PCTP: variants seen among roughly 807,000 people sequenced by gnomAD.
PCTP encodes the protein phosphatidylcholine transfer protein, also known as START domain-containing protein 2.
A neutral mutation model predicts 31.0 loss-of-function variants in PCTP; 27 were observed. The observed-to-expected ratio is 0.87, with a 90% CI of 0.64 to 1.20. The LOEUF is 1.20. Among genes scored for constraint, PCTP ranks in the 50% most tolerant of loss-of-function variants. PCTP has a pLI of 0.00. For missense variants in PCTP, 287 were observed against 268.2 expected (o/e 1.07, Z -0.49); for synonymous variants, 108 against 101.2 (o/e 1.07, Z -0.40).
chr17:55,812,565 T>C (rs977750177), intron 3 of PCTP, among the ~76,000 whole-genome samples: 1 of 152,172 alleles, frequency 6.6e-6, no homozygotes, highest in African/African-American at 2.4e-5. Context: ...AGGTCAATGA[T>C]TTGAAAAAAT....
chr17:55,772,975 A>G (rs1461996946), intron 3 of PCTP, among the ~76,000 whole-genome samples: 1 of 152,212 alleles, frequency 6.6e-6, no homozygotes, highest in Non-Finnish European at 1.5e-5. Context: ...ATGATGTTAC[A>G]TGATAAAGGC....
chr17:55,839,921 A>C (rs1287577424), intron 5 of PCTP, among the ~76,000 whole-genome samples: 2 of 142,012 alleles, frequency 1.4e-5, no homozygotes, highest in East Asian at 2.0e-4. Context: ...CTCAGTCTCA[A>C]AAAAAAAAAA....
At chr17:55,763,120 C>A (rs1296159453) in intron 1 of PCTP, among the ~76,000 whole-genome samples, 1 of 152,114 alleles carries the variant, frequency 6.6e-6, no homozygotes, top group African/African-American at 2.4e-5. Context: ...TCTTTGGAGT[C>A]ATTTATTCAA....
chr17:55,836,209 A>G (rs1001543555), intron 5 of PCTP, among the ~76,000 whole-genome samples: 1 of 152,212 alleles, frequency 6.6e-6, no homozygotes. Context: ...ATTCAATCAA[A>G]TGACATAATT....
At chr17:55,828,763 G>A (rs964833058) in intron 5 of PCTP, among the ~76,000 whole-genome samples, 1 of 152,174 alleles carries the variant, frequency 6.6e-6, no homozygotes, top group African/African-American at 2.4e-5. Context: ...GAAGATGGGG[G>A]AGGGGGCAAG....
downstream of PCTP, among the ~76,000 whole-genome samples, chr17:55,846,389 G>C (rs2056978813): frequency 6.6e-6 from 1 of 152,158 alleles, no homozygotes; most frequent in Admixed American, 6.5e-5. Flanking sequence ...GGATTCGTGG[G>C]GATATCGCTG....
At chr17:55,837,604 C>G (rs1905819769) in intron 5 of PCTP, among the ~76,000 whole-genome samples, 1 of 152,168 alleles carries the variant, frequency 6.6e-6, no homozygotes, top group South Asian at 2.1e-4. Context: ...CCAGAATCCT[C>G]ATATGTCTTC....
intron 1 of PCTP, among the ~76,000 whole-genome samples, chr17:55,754,983 T>C (rs544347669): frequency 6.6e-6 from 1 of 152,312 alleles, no homozygotes; most frequent in Admixed American, 6.5e-5. Flanking sequence ...TATACATATG[T>C]ATGTATATGT....
downstream of PCTP, among the ~76,000 whole-genome samples, chr17:55,825,628 G>A (rs1458240120): frequency 4.6e-5 from 7 of 152,174 alleles, no homozygotes; most frequent in East Asian, 5.8e-4. Flanking sequence ...GCATGTATTC[G>A]TATTAAATCC....
At chr17:55,775,752 C>G in intron 5 of PCTP, 1 of 1,257,608 alleles carries the variant, frequency 8.0e-7, no homozygotes, top group Non-Finnish European at 1.0e-6. Flanking sequence ...CTTGTGTTTT[C>G]TTTTTTCCAG....
chr17:55,757,447 G>GACAC lies in PCTP; in HGVS notation c.141+6228_141+6231dup, dbSNP rs72053094. 6.6e-3 allele frequency among the ~76,000 whole-genome samples: 963 copies of GACAC among 145,000 alleles called. 2 individuals are homozygous for GACAC. Among genetic ancestry groups the GACAC allele is most frequent in the African/African-American group, 0.011 (433 of 39,268 alleles). On this transcript the variant is annotated intron_variant, in intron 1 of 5. Transcript: ENST00000268896. ...CTGGTTTTGCAAATGAGGAAACTGAGACACACACACACACACACACACACA... is the reference window on the plus strand; with the variant it reads ...CTGGTTTTGCAAATGAGGAAACTGAGACACACACACACACACACACACACACACA...
At chr17:55,823,025 G>A (rs1905285835) in exon 4 of PCTP, 3 of 359,736 alleles carry the variant, frequency 8.3e-6, no homozygotes, top group Non-Finnish European at 1.5e-5. Context: ...ATTATTCACA[G>A]ATGTGTTCAC....
rs1357608075 is a variant in PCTP, at chr17:55,751,100, A to C, written c.-4A>C. On this transcript the variant is annotated 5_prime_UTR_variant, in exon 1 of 6. Transcript: ENST00000268896. ...CCAGGCGGAGGAGCCCGGACTGCGG[A>C]AGGATGGAGCTGGCCGCCGGAAGCT... 26 of 1,532,890 alleles carry C rather than the reference A, an allele frequency of 1.7e-5. No individual in the cohort carries two copies. Among genetic ancestry groups the C allele is most frequent in the Admixed American group, 1.0e-4 (5 of 48,830 alleles). 95.0% of individuals were successfully genotyped at this position (1,532,890 alleles called of 1,614,324 possible). A position where few individuals can be genotyped will look rare whatever the true frequency, so the allele number is the denominator to read the frequency against.
At chr17:55,830,231 T>C (rs556641661) in intron 5 of PCTP, among the ~76,000 whole-genome samples, 4 of 152,306 alleles carry the variant, frequency 2.6e-5, no homozygotes, top group Admixed American at 1.3e-4. Context: ...TTGACTGTGC[T>C]GCGGGGTAGG....
intron 1 of PCTP, among the ~76,000 whole-genome samples, chr17:55,756,542 A>G (rs1359754162): frequency 6.6e-6 from 1 of 152,180 alleles, no homozygotes; most frequent in Non-Finnish European, 1.5e-5. Flanking sequence ...AACCATACCA[A>G]GCCCTACCTT....
chr17:55,751,449 G>A (rs1196818031), intron 1 of PCTP: 2 of 1,533,472 alleles, frequency 1.3e-6, no homozygotes, highest in South Asian at 1.2e-5. Flanking sequence ...ATCCAGGGGA[G>A]TTGGAAGGTC....
downstream of PCTP, among the ~76,000 whole-genome samples, chr17:55,846,630 T>A (rs969337503): frequency 6.6e-6 from 1 of 152,198 alleles, no homozygotes; most frequent in African/African-American, 2.4e-5. Flanking sequence ...AGAATGGCTG[T>A]TTGAGAGTGA....
At chr17:55,833,677 A>G (rs1241876492) in intron 5 of PCTP, among the ~76,000 whole-genome samples, 2 of 152,218 alleles carry the variant, frequency 1.3e-5, no homozygotes, top group Non-Finnish European at 2.9e-5. Context: ...TGTATTTTGC[A>G]AGCCTTCTAG....
chr17:55,841,286 T>C (rs1829628073), intron 5 of PCTP, among the ~76,000 whole-genome samples: 1 of 152,140 alleles, frequency 6.6e-6, no homozygotes, highest in Non-Finnish European at 1.5e-5. Context: ...GAGATTGCAC[T>C]ATAGGCTGCA....
Sources: gnomAD v4.1 joint callset for allele counts (sites outside exome capture counted in the v4.1 genomes callset) on GRCh38, gnomAD v4.1.1 for gene constraint, MANE v1.5 for transcripts, NCBI Gene and HGNC (gene_info 2026-07-23, HGNC 2026-07-21) for gene names.